CD99L2: variants seen among roughly 807,000 people sequenced by gnomAD.
CD99L2 encodes CD99 molecule like 2.
In CD99L2, 24 loss-of-function variants were observed where a neutral mutation model predicts 27.3. That is an observed-to-expected ratio of 0.88 (90% CI 0.64 to 1.24). CD99L2 has a LOEUF of 1.24. Ranked by LOEUF, CD99L2 falls within the 50% of genes most tolerant of loss-of-function variation. The pLI is 0.00. For synonymous variants in CD99L2, 97 were observed against 87.9 expected (o/e 1.10, Z -0.58); for missense variants, 255 against 221.6 (o/e 1.15, Z -0.96).
At chrX:150,789,699 A>G (rs1469884500) in intron 7 of CD99L2, among the ~76,000 whole-genome samples, 2 of 111,401 alleles carry the variant, frequency 1.8e-5, no homozygotes, top group Non-Finnish European at 3.8e-5. Flanking sequence ...ACCCTGGGCA[A>G]CATAGCAAGA....
intron 1 of CD99L2, among the ~76,000 whole-genome samples, chrX:150,851,159 CA>C (rs1249354382): frequency 8.0e-5 from 9 of 111,877 alleles, no homozygotes; most frequent in African/African-American, 2.9e-4. Context: ...ATTTTCTAAC[CA>C]AATGTGAAAG....
At chrX:150,863,832 A>T (rs940078011) in intron 1 of CD99L2, among the ~76,000 whole-genome samples, 16 of 112,164 alleles carry the variant, frequency 1.4e-4, no homozygotes, top group Non-Finnish European at 2.3e-4. Flanking sequence ...TTGGAAACAG[A>T]CTCAGGAGAG....
Position 150,793,734 on chromosome X carries a change from T to C in CD99L2, c.453A>G (p.Glu151=). The C allele has an allele frequency of 8.4e-7, 1 of 1,195,105 alleles. No individual in the cohort carries two copies. Among genetic ancestry groups the C allele is most frequent in the Non-Finnish European group, 1.1e-6 (1 of 887,771 alleles). The change falls in exon 7 of 11, where the codon GAA becomes GAG. Residue 151 remains glutamate (E), a synonymous_variant. Coordinates refer to ENST00000370377, the MANE Select transcript of CD99L2 (RefSeq NM_031462.4). ...TGTATTCTCCACCCCCTACTATGTC[T>C]TCAAGATCCTTGTCTGAAAAACCTG... is the stretch of plus-strand genomic sequence containing the variant. ...GGGGFSDKDL[E]DIVGGGEYKP...
intron 6 of CD99L2, among the ~76,000 whole-genome samples, chrX:150,794,672 C>T (rs2045760822): frequency 1.8e-5 from 2 of 111,806 alleles, no homozygotes; most frequent in African/African-American, 6.5e-5. Context: ...AGAAGATTAT[C>T]CACAAGGATC....
At chrX:150,893,112 C>T (rs2047546567) in intron 1 of CD99L2, among the ~76,000 whole-genome samples, 1 of 111,444 alleles carries the variant, frequency 9.0e-6, no homozygotes. Flanking sequence ...AACAAAGAAA[C>T]AAACAACACA....
intron 9 of CD99L2, among the ~76,000 whole-genome samples, chrX:150,774,417 G>A (rs782590094): frequency 3.6e-5 from 4 of 111,269 alleles, no homozygotes; most frequent in African/African-American, 1.3e-4. Context: ...AGACGAGTAT[G>A]GAGAGCTCCC....
chrX:150,849,369 T>C (rs994113185), intron 1 of CD99L2, among the ~76,000 whole-genome samples: 7 of 110,012 alleles, frequency 6.4e-5, no homozygotes, highest in African/African-American at 2.3e-4. Flanking sequence ...CTGAGCAACA[T>C]AGTGAGACCC....
intron 1 of CD99L2, among the ~76,000 whole-genome samples, chrX:150,883,800 A>G (rs1557422556): frequency 8.9e-6 from 1 of 112,382 alleles, no homozygotes; most frequent in Non-Finnish European, 1.9e-5. Flanking sequence ...AAAATGAGCC[A>G]AAGACAACCA....
At chrX:150,884,113 T>TA (rs1423286725) in intron 1 of CD99L2, among the ~76,000 whole-genome samples, 24 of 112,292 alleles carry the variant, frequency 2.1e-4, no homozygotes, top group African/African-American at 7.8e-4. Flanking sequence ...GGTATAACCC[T>TA]AGAGAAGCAA....
intron 6 of CD99L2, among the ~76,000 whole-genome samples, chrX:150,794,934 T>C (rs1489842235): frequency 8.9e-6 from 1 of 112,943 alleles, no homozygotes; most frequent in Non-Finnish European, 1.9e-5. Flanking sequence ...GTTAAATGTA[T>C]GGGTTTAATG....
At chrX:150,824,437 AAAGAAGAAAG>A (rs1285207520) in intron 2 of CD99L2, among the ~76,000 whole-genome samples, 3 of 83,902 alleles carry the variant, frequency 3.6e-5, no homozygotes, top group Admixed American at 1.2e-4. Flanking sequence ...GAAGAAGAAG[AAAGAAGAAAG>A]AAGAAGAAGA....
At chrX:150,813,041 C>A (rs1273161348) in intron 4 of CD99L2, among the ~76,000 whole-genome samples, 1 of 110,623 alleles carries the variant, frequency 9.0e-6, no homozygotes. Flanking sequence ...AAATGGAAAA[C>A]AGATCAGTGG....
intron 4 of CD99L2, among the ~76,000 whole-genome samples, chrX:150,808,390 C>G (rs2046026112): frequency 8.9e-6 from 1 of 112,366 alleles, no homozygotes; most frequent in Non-Finnish European, 1.9e-5. Flanking sequence ...ATGAGTAAAC[C>G]TGCTGGCCCT....
At chrX:150,771,737 G>A in intron 9 of CD99L2, 1 of 1,108,574 alleles carries the variant, frequency 9.0e-7, no homozygotes, top group Non-Finnish European at 1.2e-6. Flanking sequence ...AAGCGCCAGA[G>A]CAGGGGGCGA....
chrX:150,844,048 C>A (rs1250078990), intron 1 of CD99L2, among the ~76,000 whole-genome samples: 2 of 112,365 alleles, frequency 1.8e-5, no homozygotes, highest in Admixed American at 9.4e-5. Context: ...GTGGCACAAG[C>A]CTCTAGATCA....
chrX:150,771,087 CAG>C lies in CD99L2; in HGVS notation c.656-720_656-719del, dbSNP rs1394346590. On this transcript the variant is annotated intron_variant, in intron 9 of 10. Coordinates refer to ENST00000370377, the MANE Select transcript of CD99L2 (RefSeq NM_031462.4). ...TGGACCCCACCCCTGCTGCTGCTTGCAGAGAGTCAAGAGTCTGTGTCTCATCC... is the reference window on the plus strand; with the variant it reads ...TGGACCCCACCCCTGCTGCTGCTTGCAGAGTCAAGAGTCTGTGTCTCATCC... 1.4e-3 allele frequency among the ~76,000 whole-genome samples: 158 copies of C among 112,440 alleles called. 2 individuals carry two copies. Among genetic ancestry groups the C allele is most frequent in the African/African-American group, 4.8e-3 (149 of 30,955 alleles).
chrX:150,829,739 T>C (rs2046413064), intron 2 of CD99L2: 2 of 207,920 alleles, frequency 9.6e-6, no homozygotes, highest in Non-Finnish European at 1.8e-5. Flanking sequence ...CCTAACAGCA[T>C]TGAAAACTAA....
intron 9 of CD99L2, among the ~76,000 whole-genome samples, chrX:150,772,410 A>G (rs1345037337): frequency 8.9e-6 from 1 of 112,737 alleles, no homozygotes; most frequent in Non-Finnish European, 1.9e-5. Flanking sequence ...GAGCTAGGTC[A>G]GGACGGGGGA....
chrX:150,797,499 T>G (rs1170259162), intron 4 of CD99L2, among the ~76,000 whole-genome samples: 2 of 112,471 alleles, frequency 1.8e-5, no homozygotes, highest in African/African-American at 6.5e-5. Context: ...CAATGCATAC[T>G]ATCTAAAGCA....
Sources: allele counts gnomAD v4.1 joint callset (sites outside exome capture counted in the v4.1 genomes callset), GRCh38; gene constraint gnomAD v4.1.1; transcripts MANE v1.5; gene names NCBI Gene and HGNC (gene_info 2026-07-23, HGNC 2026-07-21).